CILK1: variants seen among roughly 807,000 people sequenced by gnomAD.
CILK1 encodes the protein serine/threonine-protein kinase ICK.
Under a neutral mutation model 79.2 loss-of-function variants are expected in CILK1, and 47 were observed. That is an observed-to-expected ratio of 0.59 (90% confidence interval 0.47 to 0.76). The LOEUF is 0.76. CILK1 is among the 30% of genes least tolerant of loss of function. The pLI is 0.00. For synonymous variants in CILK1, 266 were observed against 275.9 expected, an observed-to-expected ratio of 0.96 and a Z score of 0.36; for missense variants, 660 against 769.5, an observed-to-expected ratio of 0.86 and a Z score of 1.68.
intron 5 of CILK1, among the ~76,000 whole-genome samples, chr6:53,025,741 T>C (rs1765528038): frequency 6.6e-6 from 1 of 152,188 alleles, no homozygotes; most frequent in Non-Finnish European, 1.5e-5. Flanking sequence ...GTATTTGTTA[T>C]ATTGACTTCA....
intron 1 of CILK1, among the ~76,000 whole-genome samples, chr6:53,056,480 A>C (rs1053399097): frequency 7.9e-5 from 12 of 152,312 alleles, no homozygotes; most frequent in African/African-American, 2.4e-4. Context: ...ATTTATTTAC[A>C]AAAACAGGCA....
Position 53,002,678 on chromosome 6 carries a change from CA to C in CILK1, c.*2470del, listed in dbSNP as rs2127394345. On this transcript the variant is annotated 3_prime_UTR_variant, in exon 14 of 14. Coordinates refer to ENST00000676107, the MANE Select transcript of CILK1 (RefSeq NM_014920.5). ...TGTTTTTTCAGTCCTCTAGTTTTCT[CA>C]ACTGCACATCAGCTACTTGATTTTT... is the stretch of plus-strand genomic sequence containing the variant. 1 of 152,258 alleles carries C rather than the reference CA, an allele frequency of 6.6e-6. No individual in the cohort carries two copies. The highest frequency in any genetic ancestry group is 1.9e-4 in the East Asian group (1 of 5,180). 9.4% of individuals were successfully genotyped at this position (152,258 alleles called of 1,614,324 possible). A position where few individuals can be genotyped will look rare whatever the true frequency, so the allele number is the denominator to read the frequency against.
intron 4 of CILK1, 118 bp from the exon 5 acceptor site, chr6:53,031,262 CACATGTT>C (rs1765944195): frequency 4.4e-6 from 3 of 676,208 alleles, no homozygotes; most frequent in African/African-American, 3.6e-5. Context: ...CAAATATAGT[CACATGTT>C]ACAAAAACAA....
At chr6:53,009,613 C>G in intron 11 of CILK1, 46 bp from the exon 12 acceptor site, 1 of 1,477,558 alleles carries the variant, frequency 6.8e-7, no homozygotes, top group East Asian at 2.3e-5. Context: ...CACAATGAAT[C>G]TTACACTAGA....
intron 1 of CILK1, among the ~76,000 whole-genome samples, chr6:53,050,319 C>A (rs1205346192): frequency 6.6e-6 from 1 of 151,884 alleles, no homozygotes; most frequent in Non-Finnish European, 1.5e-5. Flanking sequence ...TGAGACCTCA[C>A]TCCACAAGTA....
At chr6:53,042,395 C>T (rs1766779803) in intron 1 of CILK1, among the ~76,000 whole-genome samples, 1 of 152,202 alleles carries the variant, frequency 6.6e-6, no homozygotes, top group Non-Finnish European at 1.5e-5. Context: ...GTGTTCTATA[C>T]ACTTGAGCTA....
chr6:53,026,602 C>T lies in CILK1; in HGVS notation c.358+4463G>A, dbSNP rs569666284. 2.1e-4 allele frequency among the ~76,000 whole-genome samples: 32 copies of T among 152,296 alleles called. 1 individual carries two copies. The Middle Eastern group carries it at 0.017, about 81-fold the overall frequency. ...CTCCATTTTTTGCTAATAAGAATTA[C>T]ATCTGACATGCTCCATCGGTGAGGA... On this transcript the variant is annotated intron_variant, in intron 5 of 13. Transcript: ENST00000676107.
At chr6:53,031,854 A>T (rs905975515) in intron 4 of CILK1, among the ~76,000 whole-genome samples, 3 of 151,324 alleles carry the variant, frequency 2.0e-5, no homozygotes, top group Non-Finnish European at 1.5e-5. Flanking sequence ...TTTTTTTGAG[A>T]TGGAGTTTCG....
Position 53,046,012 on chromosome 6 carries a change from T to C in CILK1, c.-172-4604A>G, listed in dbSNP as rs559835635. Among the ~76,000 whole-genome samples the C allele has an allele frequency of 9.2e-5, 14 of 152,346 alleles. 1 individual carries two copies. In the South Asian group the frequency reaches 2.5e-3, roughly 27 times the overall value. On this transcript the variant is annotated intron_variant, in intron 1 of 13. Transcript: ENST00000676107. ...TCTTCATGTCCAACCAAAACTTGCA[T>C]ATTCTAACTTAAGCAAATTTCTTCT...
At chr6:53,008,352 T>C (rs1223872299) in intron 12 of CILK1, among the ~76,000 whole-genome samples, 1 of 151,272 alleles carries the variant, frequency 6.6e-6, no homozygotes, top group Non-Finnish European at 1.5e-5. Context: ...CAGGCTGGCA[T>C]GGGGGGAGGT....
At chr6:53,038,302 A>G (rs1261533799) in intron 2 of CILK1, among the ~76,000 whole-genome samples, 1 of 152,234 alleles carries the variant, frequency 6.6e-6, no homozygotes, top group African/African-American at 2.4e-5. Context: ...TATTTAGACC[A>G]GAGCTGTCCA....
At chr6:53,013,297 T>C (rs188210763) in intron 9 of CILK1, among the ~76,000 whole-genome samples, 5 of 152,344 alleles carry the variant, frequency 3.3e-5, no homozygotes, top group African/African-American at 1.2e-4. Context: ...TAAGTACTAT[T>C]ATTATCCTTA....
chr6:53,058,337 T>G (rs919097835), intron 1 of CILK1, among the ~76,000 whole-genome samples: 1 of 152,228 alleles, frequency 6.6e-6, no homozygotes, highest in Admixed American at 6.5e-5. Context: ...AAGGCATCTC[T>G]GATTTTCTTC....
At chr6:53,008,427 CTT>C (rs1318627320) in intron 12 of CILK1, among the ~76,000 whole-genome samples, 26 of 140,528 alleles carry the variant, frequency 1.9e-4, no homozygotes, top group Admixed American at 2.2e-4. Context: ...CCAAGTTCAA[CTT>C]TTTTTTTTTT....
At position 53,018,466 on chromosome 6, in the gene CILK1, T is replaced by C. The variant is rs137933227; in HGVS notation, c.527A>G (p.Asn176Ser). The C allele has an allele frequency of 4.3e-5, 70 of 1,614,200 alleles. No individual in the cohort carries two copies. In the East Asian group the frequency reaches 1.3e-3, roughly 30 times the overall value. The change falls in exon 7 of 14, where the codon AAC becomes AGC. Residue 176 changes from asparagine (N) to serine (S), a missense_variant. Transcript: ENST00000676107. ...CCAGACGTCAATGGGGGAGCTGTAG[T>C]TGGTAGACCTCAGGAGTACTTCTGG... is the stretch of plus-strand genomic sequence containing the variant. ...RAPEVLLRST[N>S]YSSPIDVWAV...
At chr6:53,006,498 G>GT in intron 12 of CILK1, 61 bp from the exon 13 acceptor site, 1 of 1,588,890 alleles carries the variant, frequency 6.3e-7, no homozygotes, top group South Asian at 1.1e-5. Context: ...CACCAACAAG[G>GT]TTAAATGACA....
chr6:53,031,300 T>C (rs945124563), intron 4 of CILK1, among the ~76,000 whole-genome samples, 156 bp from the exon 5 acceptor site: 8 of 152,160 alleles, frequency 5.3e-5, no homozygotes, highest in Non-Finnish European at 8.8e-5. Flanking sequence ...CATTTGATAG[T>C]AAGCCAAAAA....
chr6:53,032,445 G>A, intron 4 of CILK1, 88 bp downstream of exon 4: 1 of 768,042 alleles, frequency 1.3e-6, no homozygotes, highest in Non-Finnish European at 1.8e-6. Context: ...AAGAAAAAAA[G>A]GAGAGAAAGA....
chr6:53,041,137 T>G lies in CILK1; in HGVS notation c.100A>C (p.Lys34Gln), dbSNP rs995344832. 1.9e-6 allele frequency: 3 copies of G among 1,606,690 alleles called. No homozygotes were observed. In the African/African-American group the frequency reaches 4.0e-5, roughly 21 times the overall value. Residue 34 changes from lysine (K) to glutamine (Q), a missense_variant and splice_region_variant, in exon 2 of 14, where the codon AAA (lysine) becomes CAA (glutamine). Lys to Gln is a moderately conservative substitution (Grantham distance 53). Transcript: ENST00000676107. The stretch of plus-strand genomic sequence containing the variant: ...ATGGCAGTGAAGGATCAAACTTACT[T>G]TTTAATAGCGATCAGCTCCCCAGAC... ...IESGELIAIK[K>Q]MKRKFYSWEE...
Sources: gnomAD v4.1 joint callset for allele counts (sites outside exome capture counted in the v4.1 genomes callset) on GRCh38, gnomAD v4.1.1 for gene constraint, MANE v1.5 for transcripts, NCBI Gene and HGNC (gene_info 2026-07-23, HGNC 2026-07-21) for gene names.